DNAH10: variants seen among roughly 807,000 people sequenced by gnomAD.
The protein encoded by DNAH10 is axonemal beta dynein heavy chain 10.
A neutral mutation model predicts 506.6 loss-of-function variants in DNAH10; 348 were observed. That is an observed-to-expected ratio of 0.69 (90% CI 0.63 to 0.75). DNAH10 has a LOEUF of 0.75. Ranked by LOEUF, DNAH10 falls within the 30% of genes least tolerant of loss-of-function variation. The pLI, the probability that DNAH10 is intolerant of heterozygous loss-of-function variation, is 0.00. For synonymous variants in DNAH10, 2,059 were observed against 2,198.6 expected (o/e 0.94, Z 1.78); for missense variants, 5,179 against 5,787.1 (o/e 0.89, Z 3.41).
chr12:123,858,212 G>A (rs1388047982), intron 37 of DNAH10, among the ~76,000 whole-genome samples: 1 of 152,102 alleles, frequency 6.6e-6, no homozygotes, highest in East Asian at 1.9e-4. Flanking sequence ...GCAGGGATAG[G>A]ATTTGGATCC....
intron 21 of DNAH10, among the ~76,000 whole-genome samples, chr12:123,814,595 C>T (rs181857929): frequency 2.6e-5 from 4 of 151,268 alleles, no homozygotes; most frequent in East Asian, 3.9e-4. Flanking sequence ...TGTATTTCTC[C>T]CTTGGCCAGG....
At position 123,919,803 on chromosome 12, in the gene DNAH10, C is replaced by T. The variant is rs117771478; in HGVS notation, c.11506+854C>T. On this transcript the variant is annotated intron_variant, in intron 65 of 78. Transcript: ENST00000673944. The surrounding 1 kb of genome is among the most constrained non-coding windows in gnomAD (Gnocchi z 4.9). ...GCGTGTGTCAGCGCTTCATTCCTGC[C>T]TGTGGCTGAGTCACATTCCATGTAT... 6.0e-3 allele frequency among the ~76,000 whole-genome samples: 919 copies of T among 152,362 alleles called. 2 individuals are homozygous for T. The highest frequency in any genetic ancestry group is 8.8e-3 in the Non-Finnish European group (596 of 68,044).
In DNAH10 at chr12:123,935,443, G is replaced by C; in HGVS notation, c.13732G>C (p.Val4578Leu). 6.2e-7 allele frequency: 1 copy of C among 1,606,774 alleles called. No homozygotes were observed. Residue 4578 changes from valine (V) to leucine (L), a missense_variant, in exon 79 of 79, where the codon GTG becomes CTG. Val to Leu is a conservative substitution (Grantham distance 32, BLOSUM62 1). Around this residue, in one of 3 missense-constraint regions of DNAH10, gnomAD observed 4,844 missense variants for 5,430.5 expected, o/e 0.89. Coordinates refer to ENST00000673944, the MANE Select transcript of DNAH10 (RefSeq NM_001372106.1). ...TACCACGAGGCACATTTCTCACTGG[G>C]TGCTGCAAGGAGTATGCCTCACCCT... Reference protein sequence around the residue: ...LFTTRHISHWVLQGVCLTLNS... With the variant: ...LFTTRHISHWLLQGVCLTLNS...
At chr12:123,814,686 C>T (rs1248112976) in intron 21 of DNAH10, among the ~76,000 whole-genome samples, 1 of 146,594 alleles carries the variant, frequency 6.8e-6, no homozygotes, top group Non-Finnish European at 1.5e-5. Flanking sequence ...ATGATCTCGG[C>T]TCACTGCAAG....
intron 24 of DNAH10, among the ~76,000 whole-genome samples, chr12:123,822,460 G>GTATCTA (rs1349041344): frequency 6.6e-6 from 1 of 151,992 alleles, no homozygotes; most frequent in African/African-American, 2.4e-5. Context: ...GGAGATATGT[G>GTATCTA]TATCTATATC....
Position 123,772,917 on chromosome 12 carries a change from G to T in DNAH10, c.480G>T (p.Val160=), listed in dbSNP as rs775728162. 1.1e-5 allele frequency: 18 copies of T among 1,612,494 alleles called. No homozygotes were observed. Among genetic ancestry groups the T allele is most frequent in the Middle Eastern group, 3.3e-4 (2 of 6,072 alleles). Residue 160 remains valine, a synonymous_variant, in exon 4 of 79, where the codon GTG becomes GTT. Transcript: ENST00000673944. Reference sequence around the variant, plus strand: ...CCGAGGAGTTCCTGGACCAAAACGTGGTGTTTTTCCTCAGAAATACCAAAG... The same window carrying T: ...CCGAGGAGTTCCTGGACCAAAACGTTGTGTTTTTCCTCAGAAATACCAAAG... ...PLPEEFLDQN[V]VFFLRNTKEA...
rs1341536245 is a variant in DNAH10 at position 123,907,193 on chromosome 12, G to A, written c.9816-2068G>A. ...GGTCCTTGCTGCTCTGACAGTGGAT[G>A]TTGGGACCTGACCTAGTCATGGTCA... On this transcript the variant is annotated intron_variant, in intron 57 of 78. Transcript: ENST00000673944. The surrounding 1 kb of genome is among the most constrained non-coding windows in gnomAD (Gnocchi z 4.4). Among the ~76,000 whole-genome samples, 3 of 152,238 alleles carry A rather than the reference G, an allele frequency of 2.0e-5. No individual in the cohort carries two copies. The highest frequency in any genetic ancestry group is 2.9e-5 in the Non-Finnish European group (2 of 68,042).
chr12:123,824,013 C>A (rs761709157), intron 24 of DNAH10, among the ~76,000 whole-genome samples: 1 of 152,180 alleles, frequency 6.6e-6, no homozygotes, highest in African/African-American at 2.4e-5. Flanking sequence ...CTAGCAATTG[C>A]TTTTCAAAGT....
In DNAH10 at chr12:123,853,409, G is replaced by A. The variant is rs1240955836; in HGVS notation, c.6438+57G>A. ...TTCAGCTGCTTCAGGCATTTACTAC[G>A]TGCCATTGGGGAGGTGATGGGCACA... On this transcript the variant is annotated intron_variant, in intron 36 of 78. Coordinates refer to ENST00000673944, the MANE Select transcript of DNAH10 (RefSeq NM_001372106.1). The surrounding 1 kb of genome is among the most constrained non-coding windows in gnomAD (Gnocchi z 4.7). 83 of 1,566,436 alleles carry A rather than the reference G, an allele frequency of 5.3e-5. No homozygotes were observed. The highest frequency in any genetic ancestry group is 6.9e-5 in the East Asian group (3 of 43,482).
At position 123,888,528 on chromosome 12, in the gene DNAH10, T is replaced by A. The variant is rs1952838361; in HGVS notation, c.8995+1215T>A. On this transcript the variant is annotated intron_variant, in intron 52 of 78. Transcript: ENST00000673944. ...ACAGAGAATAAGGTCCCATAAAGAT[T>A]CCCACAAGTCACGGGACACCTGGAG... Among the ~76,000 whole-genome samples the A allele has an allele frequency of 2.0e-5, 3 of 152,046 alleles. No homozygotes were observed. The South Asian group carries it at 6.2e-4, about 32-fold the overall frequency.
chr12:123,809,511 G>A (rs549140757), intron 19 of DNAH10, among the ~76,000 whole-genome samples: 10 of 152,166 alleles, frequency 6.6e-5, no homozygotes, highest in South Asian at 2.1e-4. Flanking sequence ...TTAGCTAGGC[G>A]TGGTGGTGCA....
At position 123,767,732 on chromosome 12, in the gene DNAH10, G is replaced by GC. The variant is rs769538565; in HGVS notation, c.298+50dup. ...GTCATGGGAGGGTGGAACTGAGAAA[G>GC]CCCCCCCGCAGCGGGAGTAGGGTGC... is the stretch of plus-strand genomic sequence containing the variant. On this transcript the variant is annotated intron_variant, in intron 2 of 78. Coordinates refer to ENST00000673944, the MANE Select transcript of DNAH10 (RefSeq NM_001372106.1). 3.6e-5 allele frequency: 56 copies of GC among 1,551,906 alleles called. No homozygotes were observed. The Middle Eastern group carries it at 1.5e-3, about 41-fold the overall frequency.
At chr12:123,879,609 T>A (rs775250970) in intron 49 of DNAH10, 25 bp from the exon 50 acceptor site, 8 of 1,613,352 alleles carry the variant, frequency 5.0e-6, no homozygotes, top group Non-Finnish European at 6.8e-6. Context: ...TGAGTTTGGG[T>A]CCTTAAGTGG....
intron 71 of DNAH10, 64 bp from the exon 72 acceptor site, chr12:123,929,600 A>G (rs1333434221): frequency 7.6e-6 from 12 of 1,577,708 alleles, no homozygotes; most frequent in Non-Finnish European, 2.6e-6. Flanking sequence ...CTTTTCAGAA[A>G]AGTATCAGAA....
intron 47 of DNAH10, among the ~76,000 whole-genome samples, chr12:123,877,504 T>A (rs1392025039): frequency 6.6e-6 from 1 of 152,146 alleles, no homozygotes; most frequent in Non-Finnish European, 1.5e-5. Flanking sequence ...TTAATAGAGA[T>A]GGGGTTTCAC....
chr12:123,892,366 A>C (rs1487032368), intron 52 of DNAH10, among the ~76,000 whole-genome samples: 1 of 152,124 alleles, frequency 6.6e-6, no homozygotes, highest in Non-Finnish European at 1.5e-5. Context: ...ACCAGATCTC[A>C]CGAGAACTCA....
chr12:123,867,479 A>C lies in DNAH10; in HGVS notation c.7180A>C (p.Asn2394His), dbSNP rs1480849352. 2 of 1,613,368 alleles carry C rather than the reference A, an allele frequency of 1.2e-6. No homozygotes were observed. Among genetic ancestry groups the C allele is most frequent in the East Asian group, 4.5e-5 (2 of 44,886 alleles). Residue 2394 changes from asparagine to histidine, a missense_variant, in exon 42 of 79, where the codon AAT (asparagine) becomes CAT (histidine). Physicochemically the swap from Asn to His is moderately conservative, Grantham distance 68 (BLOSUM62 1). Transcript: ENST00000673944. ...NQIPNKVEQY[N>H]LNSLFEKYVP... ...TACTTTTTTATAGGTGGAGCAATAC[A>C]ATTTGAATAGTCTCTTTGAGAAGTA...
rs1222156472 is a variant in DNAH10, at chr12:123,787,101, T to A, written c.1422-703T>A. ...TTGCAGTGAGCCGAGATTGCACCTG[T>A]CTATATCTGTATCTATATCATCATC... is the stretch of plus-strand genomic sequence containing the variant. On this transcript the variant is annotated intron_variant, in intron 9 of 78. Coordinates refer to ENST00000673944, the MANE Select transcript of DNAH10 (RefSeq NM_001372106.1). The surrounding 1 kb of genome is among the most constrained non-coding windows in gnomAD (Gnocchi z 4.6). Among the ~76,000 whole-genome samples, 1 of 152,208 alleles carries A rather than the reference T, an allele frequency of 6.6e-6. No individual in the cohort carries two copies. The highest frequency in any genetic ancestry group is 6.5e-5 in the Admixed American group (1 of 15,282).
chr12:123,927,965 G>A (rs1482017409), intron 69 of DNAH10: 2 of 197,898 alleles, frequency 1.0e-5, no homozygotes, highest in Non-Finnish European at 2.0e-5. Flanking sequence ...ATTACATTTG[G>A]GAGGGGACAT....
Sources: allele counts gnomAD v4.1 joint callset (sites outside exome capture counted in the v4.1 genomes callset), GRCh38; gene constraint gnomAD v4.1.1; regional missense constraint gnomAD v4.1.1; non-coding constraint Gnocchi (gnomAD v3.1); transcripts MANE v1.5; gene names NCBI Gene and HGNC (gene_info 2026-07-23, HGNC 2026-07-21).